The following PCDHGA4 variants were observed in gnomAD, a reference collection of about 807,000 sequenced individuals.
The protein encoded by PCDHGA4 is protocadherin gamma subfamily A, 4.
Under a neutral mutation model 54.6 loss-of-function variants are expected in PCDHGA4, and 38 were observed. The observed-to-expected ratio is 0.70, with a 90% CI of 0.54 to 0.91. The LOEUF is 0.91. Ranked by LOEUF, PCDHGA4 falls within the 40% of genes least tolerant of loss-of-function variation. PCDHGA4 has a pLI of 0.00. For missense variants in PCDHGA4, 1,298 were observed against 1,220.9 expected (o/e 1.06, Z -0.94); for synonymous variants, 511 against 512.9 (o/e 1.00, Z 0.05).
At chr5:141,435,390 C>T (rs2097760754) in intron 1 of PCDHGA4, among the ~76,000 whole-genome samples, 1 of 152,052 alleles carries the variant, frequency 6.6e-6, no homozygotes, top group Non-Finnish European at 1.5e-5. Flanking sequence ...ACCGTATTGC[C>T]ATGACGAAAA....
At chr5:141,496,838 T>C (rs182118142) in intron 2 of PCDHGA4, among the ~76,000 whole-genome samples, 39 of 150,790 alleles carry the variant, frequency 2.6e-4, no homozygotes, top group African/African-American at 8.3e-4. Flanking sequence ...CCAGAACTCA[T>C]AGGCTTCCAG....
chr5:141,498,971 G>GGGAAGGAAGGAAGGAAGGAAGGAA (rs201769957), intron 2 of PCDHGA4, among the ~76,000 whole-genome samples: 2 of 110,972 alleles, frequency 1.8e-5, no homozygotes, highest in African/African-American at 3.6e-5. Context: ...GAGGGAGGGA[G>GGGAAGGAAGGAAGGAAGGAAGGAA]GGAAGGAAGG....
At chr5:141,362,567 ATTAAT>A in intron 1 of PCDHGA4, 1 of 1,607,936 alleles carries the variant, frequency 6.2e-7, no homozygotes, top group Non-Finnish European at 8.5e-7. Context: ...GTGAGCTTTA[ATTAAT>A]TTATTTTCAC....
rs755704809 is a variant in PCDHGA4 at position 141,356,043 on chromosome 5, C to T, written c.936C>T (p.Phe312=). 1.9e-6 allele frequency: 3 copies of T among 1,613,952 alleles called. No individual in the cohort carries two copies. Among genetic ancestry groups the T allele is most frequent in the Admixed American group, 1.7e-5 (1 of 60,032 alleles). The change falls in exon 1 of 4, where the codon TTC becomes TTT. Residue 312 remains phenylalanine (F), a synonymous_variant. Coordinates refer to ENST00000571252, the MANE Select transcript of PCDHGA4 (RefSeq NM_018917.4). ...EGANGDVTYS[F]RKVRDKISQL... is the part of the protein sequence containing the mutation. ...CCAATGGAGACGTGACGTATTCTTT[C>T]CGGAAAGTAAGAGACAAAATATCAC...
intron 1 of PCDHGA4, among the ~76,000 whole-genome samples, chr5:141,481,730 G>C (rs778885944): frequency 6.6e-5 from 10 of 151,952 alleles, no homozygotes; most frequent in Non-Finnish European, 1.3e-4. Flanking sequence ...GAGGCGGGCG[G>C]ATCACGAGGT....
At chr5:141,413,531 A>G (rs1472068242) in intron 1 of PCDHGA4, 6 of 1,613,818 alleles carry the variant, frequency 3.7e-6, no homozygotes, top group Non-Finnish European at 5.1e-6. Flanking sequence ...GACAGGGTGA[A>G]ACTTTTTGGG....
At chr5:141,447,725 C>G (rs1009407606) in intron 1 of PCDHGA4, among the ~76,000 whole-genome samples, 4 of 152,174 alleles carry the variant, frequency 2.6e-5, no homozygotes, top group African/African-American at 9.7e-5. Context: ...TTTTCCAAAA[C>G]TCATTGAACT....
Position 141,512,594 on chromosome 5 carries a change from G to C in PCDHGA4, c.*1421G>C, listed in dbSNP as rs981124898. On this transcript the variant is annotated 3_prime_UTR_variant, in exon 4 of 4. Transcript: ENST00000571252. ...CACCCCCTTCTGCCCCTGGGTCCCC[G>C]GCCATCCAGCGGGGCTGCCAGAGAA... 1 of 152,812 alleles carries C rather than the reference G, an allele frequency of 6.5e-6. No homozygotes were observed. The highest frequency in any genetic ancestry group is 6.5e-5 in the Admixed American group (1 of 15,280). The allele number at this position is 152,812 out of a possible 1,614,324, so 9.5% of individuals were successfully genotyped here. A position where few individuals can be genotyped will look rare whatever the true frequency, so the allele number is the denominator to read the frequency against.
chr5:141,376,550 C>T (rs1772814272), intron 1 of PCDHGA4: 2 of 1,611,946 alleles, frequency 1.2e-6, no homozygotes, highest in African/African-American at 1.3e-5. Context: ...ATCTGATCTT[C>T]CCGCAACCCA....
intron 1 of PCDHGA4, chr5:141,404,795 G>A (rs769293241): frequency 5.0e-6 from 8 of 1,613,924 alleles, no homozygotes; most frequent in Admixed American, 1.7e-5. Flanking sequence ...CAGTGAGCCA[G>A]GGCTCTTCTC....
At chr5:141,441,746 C>CGTCAA in intron 1 of PCDHGA4, 1 of 371,314 alleles carries the variant, frequency 2.7e-6, no homozygotes, top group Non-Finnish European at 5.4e-6. Context: ...TCGCGCTCGG[C>CGTCAA]GTCAACGTGA....
chr5:141,366,579 T>C (rs1764662445), intron 1 of PCDHGA4: 1 of 1,614,256 alleles, frequency 6.2e-7, no homozygotes, highest in South Asian at 1.1e-5. Flanking sequence ...CGGGCTTTCC[T>C]GCAGACCTAT....
chr5:141,417,701 C>T (rs1382264857), intron 1 of PCDHGA4: 1 of 1,192,516 alleles, frequency 8.4e-7, no homozygotes, highest in Admixed American at 3.0e-5. Flanking sequence ...CCAGCTCCCA[C>T]ACAGAGGCTC....
rs776721321 is a variant in PCDHGA4, at chr5:141,431,084, C to A, written c.2515-63723C>A. ...CAAGTGTCAATTAAATCTAGACATT[C>A]TGATGGAGGATAAAGTGAAAATATA... is the stretch of plus-strand genomic sequence containing the variant. On this transcript the variant is annotated intron_variant, in intron 1 of 3. Coordinates refer to ENST00000571252, the MANE Select transcript of PCDHGA4 (RefSeq NM_018917.4). This position sits in a 1 kb window ranked among gnomAD's most constrained non-coding sequence, Gnocchi z 4.8. The A allele has an allele frequency of 1.2e-6, 2 of 1,614,060 alleles. No homozygotes were observed. Among genetic ancestry groups the A allele is most frequent in the Non-Finnish European group, 1.7e-6 (2 of 1,180,002 alleles).
intron 2 of PCDHGA4, among the ~76,000 whole-genome samples, chr5:141,500,189 TTTATTTATTTA>T (rs1562193895): frequency 9.9e-5 from 11 of 110,956 alleles, no homozygotes; most frequent in Middle Eastern, 4.3e-3. Flanking sequence ...TTTATTTTTA[TTTATTTATTTA>T]TTTATTTATT....
Position 141,420,177 on chromosome 5 carries a change from A to G in PCDHGA4, c.2514+62556A>G, listed in dbSNP as rs1188698450. The G allele has an allele frequency of 2.5e-6, 4 of 1,613,992 alleles. No homozygotes were observed. Among genetic ancestry groups the G allele is most frequent in the South Asian group, 2.2e-5 (2 of 91,086 alleles). ...TTTAATTTTTTCACATCTGTTGATC[A>G]TTGTCCAGCCACACAAGATAACCTC... On this transcript the variant is annotated intron_variant, in intron 1 of 3. Coordinates refer to ENST00000571252, the MANE Select transcript of PCDHGA4 (RefSeq NM_018917.4).
chr5:141,424,149 G>T, intron 1 of PCDHGA4: 1 of 324,612 alleles, frequency 3.1e-6, no homozygotes. Flanking sequence ...GCTCCCTCTA[G>T]CTCTCCTTCT....
At chr5:141,414,106 C>G (rs1424739885) in intron 1 of PCDHGA4, 2 of 1,592,536 alleles carry the variant, frequency 1.3e-6, no homozygotes, top group Non-Finnish European at 1.7e-6. Context: ...ATCAGAAAAT[C>G]TAGATTATGA....
chr5:141,375,819 C>T, intron 1 of PCDHGA4: 2 of 1,614,190 alleles, frequency 1.2e-6, no homozygotes, highest in Admixed American at 1.7e-5. Context: ...GAGCTGGCGC[C>T]CCGCTCCGCA....
Sources: allele counts gnomAD v4.1 joint callset (sites outside exome capture counted in the v4.1 genomes callset), GRCh38; gene constraint gnomAD v4.1.1; non-coding constraint Gnocchi (gnomAD v3.1); transcripts MANE v1.5; gene names NCBI Gene and HGNC (gene_info 2026-07-23, HGNC 2026-07-21).